GRM5: variants seen among roughly 807,000 people sequenced by gnomAD.
The protein encoded by GRM5 is metabotropic glutamate receptor 5.
In GRM5, 19 loss-of-function variants were observed where a neutral mutation model predicts 83.1. The ratio of observed to expected loss-of-function variants is 0.23; its 90% CI spans 0.16 to 0.34. GRM5 has a LOEUF of 0.34. Among genes scored for constraint, GRM5 ranks in the 10% least tolerant of loss-of-function variants. The pLI is 1.00. For synonymous variants in GRM5, 675 were observed against 633.6 expected (o/e 1.07, Z -0.98); for missense variants, 1,160 against 1,588.3 (o/e 0.73, Z 4.58).
At chr11:88,650,435 A>G (rs1300428371) in intron 4 of GRM5, among the ~76,000 whole-genome samples, 1 of 152,010 alleles carries the variant, frequency 6.6e-6, no homozygotes, top group Non-Finnish European at 1.5e-5. Flanking sequence ...TTCCAAAAAC[A>G]TGAAAAGGAG....
chr11:88,702,918 A>G (rs1166375592), intron 3 of GRM5, among the ~76,000 whole-genome samples: 1 of 152,128 alleles, frequency 6.6e-6, no homozygotes, highest in Non-Finnish European at 1.5e-5. Context: ...ACTTGATCAT[A>G]GACTTCTAGC....
intron 2 of GRM5, among the ~76,000 whole-genome samples, chr11:88,989,270 T>C (rs367877235): frequency 2.8e-5 from 4 of 143,656 alleles, no homozygotes; most frequent in African/African-American, 7.8e-5. Flanking sequence ...AAGAAGGCCA[T>C]TACATAATGG....
intron 3 of GRM5, among the ~76,000 whole-genome samples, chr11:88,766,154 G>T (rs12785875): frequency 6.6e-6 from 1 of 151,704 alleles, no homozygotes; most frequent in Non-Finnish European, 1.5e-5. Context: ...AGATTAAAAT[G>T]TCATTCCTAT....
At chr11:88,986,228 C>T (rs1445357684) in intron 2 of GRM5, among the ~76,000 whole-genome samples, 1 of 151,942 alleles carries the variant, frequency 6.6e-6, no homozygotes, top group Non-Finnish European at 1.5e-5. Flanking sequence ...GAGAGTTATG[C>T]TAAGTGAAAA....
chr11:88,570,903 T>C (rs972782945), intron 7 of GRM5, among the ~76,000 whole-genome samples: 1 of 152,046 alleles, frequency 6.6e-6, no homozygotes, highest in Admixed American at 6.6e-5. Flanking sequence ...AGTTCATTTA[T>C]AGCAATGATT....
chr11:88,957,382 A>G (rs1938652849), intron 2 of GRM5, among the ~76,000 whole-genome samples: 1 of 152,254 alleles, frequency 6.6e-6, no homozygotes, highest in African/African-American at 2.4e-5. Flanking sequence ...TACCAAAAGC[A>G]ATGTGGGATG....
chr11:89,061,247 T>TTCA (rs1331461707), intron 1 of GRM5, among the ~76,000 whole-genome samples: 1 of 152,164 alleles, frequency 6.6e-6, no homozygotes, highest in Non-Finnish European at 1.5e-5. Context: ...TAGCTCTGTC[T>TTCA]TCATCCCATG....
intron 2 of GRM5, among the ~76,000 whole-genome samples, chr11:88,858,880 A>G (rs753021959): frequency 1.6e-4 from 25 of 152,082 alleles, no homozygotes; most frequent in Non-Finnish European, 3.1e-4. Context: ...ACTATTTGGG[A>G]GTCCTCAGTA....
intron 3 of GRM5, among the ~76,000 whole-genome samples, chr11:88,769,499 G>T: frequency 6.6e-6 from 1 of 151,994 alleles, no homozygotes; most frequent in East Asian, 1.9e-4. Context: ...GTTGCTTGGA[G>T]AAATGGCTGG....
intron 9 of GRM5, among the ~76,000 whole-genome samples, chr11:88,517,846 G>A (rs1052951476): frequency 6.6e-6 from 1 of 151,948 alleles, no homozygotes; most frequent in Admixed American, 6.6e-5. Context: ...TAAAATATAT[G>A]CATATATATT....
chr11:88,992,903 T>C (rs1472185631), intron 2 of GRM5, among the ~76,000 whole-genome samples: 1 of 151,000 alleles, frequency 6.6e-6, no homozygotes, highest in Non-Finnish European at 1.5e-5. Flanking sequence ...CAGTAGAAGA[T>C]ATACCGAATG....
chr11:88,578,764 T>A (rs1943166621), intron 7 of GRM5, among the ~76,000 whole-genome samples: 1 of 152,144 alleles, frequency 6.6e-6, no homozygotes, highest in Admixed American at 6.5e-5. Context: ...TTTATCAATG[T>A]GTAAGCCCTG....
chr11:89,026,216 C>T lies in GRM5; in HGVS notation c.661+20996G>A, dbSNP rs536967934. Among the ~76,000 whole-genome samples the T allele has an allele frequency of 2.0e-5, 3 of 152,284 alleles. No individual in the cohort carries two copies. The East Asian group carries it at 5.8e-4, about 29-fold the overall frequency. ...AAAAATCTACTCACTGGGTACTATG[C>T]ACATTACACAGGTGACAAAATAATC... On this transcript the variant is annotated intron_variant, in intron 2 of 9. Transcript: ENST00000305447.
At chr11:88,996,995 A>G (rs1405821330) in intron 2 of GRM5, among the ~76,000 whole-genome samples, 1 of 152,242 alleles carries the variant, frequency 6.6e-6, no homozygotes, top group East Asian at 1.9e-4. Flanking sequence ...CACAGTGCTG[A>G]GAAATGAATA....
intron 3 of GRM5, among the ~76,000 whole-genome samples, chr11:88,748,027 T>G (rs1942179855): frequency 2.0e-5 from 3 of 152,060 alleles, no homozygotes; most frequent in Admixed American, 2.0e-4. Flanking sequence ...TATGTTCCAC[T>G]CTGGAGTAGC....
chr11:88,598,792 A>C (rs1449422338), intron 5 of GRM5, among the ~76,000 whole-genome samples: 1 of 152,194 alleles, frequency 6.6e-6, no homozygotes, highest in Non-Finnish European at 1.5e-5. Flanking sequence ...TCAGTGTCAG[A>C]CTTGTTTCTT....
chr11:88,572,183 G>T (rs1302967926), intron 7 of GRM5, among the ~76,000 whole-genome samples: 1 of 152,096 alleles, frequency 6.6e-6, no homozygotes, highest in African/African-American at 2.4e-5. Context: ...TACAGCTTTA[G>T]GAATCATCTT....
chr11:88,712,581 A>C lies in GRM5; in HGVS notation c.912-59178T>G, dbSNP rs548355105. ...GCATGGAAATAAGGTAGGATTCTTA[A>C]ATTATAGTAGAGGCAACTCAGTCAT... is the stretch of plus-strand genomic sequence containing the variant. On this transcript the variant is annotated intron_variant, in intron 3 of 9. Coordinates refer to ENST00000305447, the MANE Select transcript of GRM5 (RefSeq NM_001143831.3). Among the ~76,000 whole-genome samples the C allele has an allele frequency of 8.5e-5, 13 of 152,136 alleles. No homozygotes were observed. In the East Asian group the frequency reaches 2.3e-3, roughly 27 times the overall value.
chr11:88,812,386 T>G (rs1220221066), intron 3 of GRM5, among the ~76,000 whole-genome samples: 1 of 152,138 alleles, frequency 6.6e-6, no homozygotes, highest in African/African-American at 2.4e-5. Context: ...ATGTTCCAAC[T>G]GGAGAGGATC....
Sources: allele counts gnomAD v4.1 joint callset (sites outside exome capture counted in the v4.1 genomes callset), GRCh38; gene constraint gnomAD v4.1.1; transcripts MANE v1.5; gene names NCBI Gene and HGNC (gene_info 2026-07-23, HGNC 2026-07-21).